Variants in MMACHC observed in about 807,000 individuals in gnomAD.
The protein encoded by MMACHC is metabolism of cobalamin associated C, also known as cyanocobalamin reductase / alkylcobalamin dealkylase.
MMACHC carries 14 observed loss-of-function variants against 17.6 expected under a neutral mutation model. The observed-to-expected ratio is 0.80, with a 90% CI of 0.53 to 1.25. The LOEUF (loss-of-function observed/expected upper bound fraction) is 1.25. Among genes scored for constraint, MMACHC ranks in the 50% most tolerant of loss-of-function variants. The pLI is 0.00. For missense variants in MMACHC, 392 were observed against 364.5 expected (o/e 1.08, Z -0.62); for synonymous variants, 151 against 142.1 (o/e 1.06, Z -0.45).
rs752205161 is a variant in MMACHC at position 45,508,284 on chromosome 1, G to C, written c.349G>C (p.Ala117Pro). 6.2e-7 allele frequency: 1 copy of C among 1,614,036 alleles called. No homozygotes were observed. Among genetic ancestry groups the C allele is most frequent in the East Asian group, 2.2e-5 (1 of 44,892 alleles). The change falls in exon 3 of 4, where the codon GCC becomes CCC. Residue 117 changes from alanine (A) to proline (P), a missense_variant. Physicochemically the swap from Ala to Pro is conservative, Grantham distance 27 (BLOSUM62 -1). Transcript: ENST00000401061. ...VHPNRRPKIL[A>P]QTAAHVAGAA... ...CCCCAACCGACGCCCCAAGATCCTG[G>C]CCCAGACAGCAGCCCATGTAGCTGG... is the stretch of plus-strand genomic sequence containing the variant.
chr1:45,507,697 T>C, intron 2 of MMACHC, 147 bp downstream of exon 2: 1 of 979,360 alleles, frequency 1.0e-6, no homozygotes. Context: ...TCTGTGATCT[T>C]TCCTCATTCT....
chr1:45,511,079 A>G lies in MMACHC; in HGVS notation c.*1864A>G. On this transcript the variant is annotated 3_prime_UTR_variant, in exon 4 of 4. Coordinates refer to ENST00000401061, the MANE Select transcript of MMACHC (RefSeq NM_015506.3). The stretch of plus-strand genomic sequence containing the variant: ...CAGTTCAAGTTTAATACAAACTACA[A>G]AAGATTAATGGGTTGCTCTACTAAT... The G allele has an allele frequency of 2.9e-6, 1 of 343,694 alleles. No homozygotes were observed. The highest frequency in any genetic ancestry group is 4.8e-5 in the Admixed American group (1 of 20,962). 21.3% of individuals were successfully genotyped at this position (343,694 alleles called of 1,614,324 possible). A position where few individuals can be genotyped will look rare whatever the true frequency, so the allele number is the denominator to read the frequency against.
rs1024956864 is a variant in MMACHC at position 45,511,756 on chromosome 1, C to T, written c.*2541C>T. The T allele has an allele frequency of 1.2e-5, 2 of 173,552 alleles. No individual in the cohort carries two copies. The highest frequency in any genetic ancestry group is 4.7e-5 in the African/African-American group (2 of 42,230). The allele number at this position is 173,552 out of a possible 1,614,324, so 10.8% of individuals were successfully genotyped here. On this transcript the variant is annotated 3_prime_UTR_variant, in exon 4 of 4. Transcript: ENST00000401061. ...CGACACACATAGGACTATGTAAACC[C>T]TTAACACTAAACTGTTTCTGACAGC...
chr1:45,505,631 C>T lies in MMACHC; in HGVS notation c.82-1725C>T, dbSNP rs527717239. On this transcript the variant is annotated intron_variant, in intron 1 of 3. Coordinates refer to ENST00000401061, the MANE Select transcript of MMACHC (RefSeq NM_015506.3). Reference sequence around the variant, plus strand: ...TTTAAGAAACTGCCTGGGCTGGGCCCGGTGGCTCACGCCTGTAATCTCAGC... The same window carrying T: ...TTTAAGAAACTGCCTGGGCTGGGCCTGGTGGCTCACGCCTGTAATCTCAGC... Among the ~76,000 whole-genome samples the T allele has an allele frequency of 4.6e-5, 7 of 151,472 alleles. No homozygotes were observed. In the South Asian group the frequency reaches 1.1e-3, roughly 23 times the overall value.
At chr1:45,503,677 C>T (rs1643577045) in intron 1 of MMACHC, among the ~76,000 whole-genome samples, 1 of 152,078 alleles carries the variant, frequency 6.6e-6, no homozygotes, top group Non-Finnish European at 1.5e-5. Context: ...TAGTTGAGCA[C>T]CGACACAGAC....
Position 45,500,337 on chromosome 1 carries a change from A to T in MMACHC, c.5A>T (p.Glu2Val), listed in dbSNP as rs543492649. The T allele has an allele frequency of 1.2e-6, 2 of 1,614,094 alleles. No homozygotes were observed. The highest frequency in any genetic ancestry group is 3.3e-5 in the Admixed American group (2 of 60,022). M[E>V]PKVAELKQKI... ...GCTCAGCGTGTAACGTGCGCTATGG[A>T]GCCGAAAGTCGCAGAGCTGAAGCAG... is the stretch of plus-strand genomic sequence containing the variant. Residue 2 changes from glutamate (E) to valine (V), a missense_variant, in exon 1 of 4, where the codon GAG becomes GTG. By Grantham distance (121) the Glu-to-Val change is moderately radical. Transcript: ENST00000401061.
At chr1:45,504,019 T>C (rs918372130) in intron 1 of MMACHC, among the ~76,000 whole-genome samples, 3 of 152,256 alleles carry the variant, frequency 2.0e-5, no homozygotes, top group Non-Finnish European at 1.5e-5. Context: ...TTCTTGGATG[T>C]CCAGGCCAAG....
At position 45,500,391 on chromosome 1, in the gene MMACHC, G is replaced by T; in HGVS notation, c.59G>T (p.Gly20Val). The T allele has an allele frequency of 6.2e-7, 1 of 1,614,180 alleles. No individual in the cohort carries two copies. The highest frequency in any genetic ancestry group is 8.5e-7 in the Non-Finnish European group (1 of 1,180,026). The change falls in exon 1 of 4, where the codon GGC becomes GTC. Residue 20 changes from glycine (G) to valine (V), a missense_variant. Transcript: ENST00000401061. Reference sequence around the variant, plus strand: ...ATCGAGGACACGCTATGTCCTTTTGGCTTCGAGGTTTACCCCTTCCAGGTT... The same window carrying T: ...ATCGAGGACACGCTATGTCCTTTTGTCTTCGAGGTTTACCCCTTCCAGGTT... The part of the protein sequence containing the change: ...QKIEDTLCPF[G>V]FEVYPFQVAW...
At position 45,512,917 on chromosome 1, in the gene MMACHC, A is replaced by G. The variant is rs547865415; in HGVS notation, c.*3702A>G. 6.6e-6 allele frequency: 1 copy of G among 152,332 alleles called. No homozygotes were observed. Among genetic ancestry groups the G allele is most frequent in the African/African-American group, 2.4e-5 (1 of 41,566 alleles). The allele number at this position is 152,332 out of a possible 1,614,324, so 9.4% of individuals were successfully genotyped here. ...AGACTCTAATCCCTGTAAAAAGATT[A>G]CTTGGTGCTAGCCAAGCTAGCACCT... On this transcript the variant is annotated 3_prime_UTR_variant, in exon 4 of 4. Coordinates refer to ENST00000401061, the MANE Select transcript of MMACHC (RefSeq NM_015506.3).
chr1:45,509,359 T>A lies in MMACHC; in HGVS notation c.*144T>A. On this transcript the variant is annotated 3_prime_UTR_variant, in exon 4 of 4. Transcript: ENST00000401061. ...ATGAAGATAACAAGGCTCAAGGAAG[T>A]TAGGTTTGGCCAAGATAAAGGCCAG... is the stretch of plus-strand genomic sequence containing the variant. 1 of 1,013,654 alleles carries A rather than the reference T, an allele frequency of 9.9e-7. No individual in the cohort carries two copies. Among genetic ancestry groups the A allele is most frequent in the Non-Finnish European group, 1.4e-6 (1 of 696,506 alleles). The allele number at this position is 1,013,654 out of a possible 1,614,324, so 62.8% of individuals were successfully genotyped here.
chr1:45,507,838 T>A (rs576779396), intron 2 of MMACHC, among the ~76,000 whole-genome samples: 1 of 152,302 alleles, frequency 6.6e-6, no homozygotes, highest in East Asian at 1.9e-4. Flanking sequence ...CCAAGTGGAA[T>A]AGGAATGAGT....
chr1:45,510,448 C>G lies in MMACHC; in HGVS notation c.*1233C>G, dbSNP rs1643719762. The G allele has an allele frequency of 6.6e-6, 1 of 152,208 alleles. No individual in the cohort carries two copies. The highest frequency in any genetic ancestry group is 1.5e-5 in the Non-Finnish European group (1 of 68,074). The allele number at this position is 152,208 out of a possible 1,614,324, so 9.4% of individuals were successfully genotyped here. A position where few individuals can be genotyped will look rare whatever the true frequency, so the allele number is the denominator to read the frequency against. On this transcript the variant is annotated 3_prime_UTR_variant, in exon 4 of 4. Coordinates refer to ENST00000401061, the MANE Select transcript of MMACHC (RefSeq NM_015506.3). ...CTGTGGCGCTCACCTGTAATCCCAC[C>G]ATTTTGGGAGGCTGAGGCGGAGGAC...
At position 45,512,055 on chromosome 1, in the gene MMACHC, A is replaced by G. The variant is rs1015698136; in HGVS notation, c.*2840A>G. 6.7e-6 allele frequency: 1 copy of G among 149,484 alleles called. No homozygotes were observed. Among genetic ancestry groups the G allele is most frequent in the African/African-American group, 2.5e-5 (1 of 40,462 alleles). 9.3% of individuals were successfully genotyped at this position (149,484 alleles called of 1,614,324 possible). On this transcript the variant is annotated 3_prime_UTR_variant, in exon 4 of 4. Transcript: ENST00000401061. Reference sequence around the variant, plus strand: ...CTGAAGAAAATGAGGCAAGGGGACTAATCTCTTATTTTTCTTTTTTTTTTT... The same window carrying G: ...CTGAAGAAAATGAGGCAAGGGGACTGATCTCTTATTTTTCTTTTTTTTTTT...
rs1643758717 is a variant in MMACHC at position 45,512,060 on chromosome 1, CTTATTT to C, written c.*2848_*2853del. ...GAAAATGAGGCAAGGGGACTAATCT[CTTATTT>C]TTCTTTTTTTTTTTTTTTTTTTTTT... On this transcript the variant is annotated 3_prime_UTR_variant, in exon 4 of 4. Transcript: ENST00000401061. 1.5e-5 allele frequency: 2 copies of C among 131,290 alleles called. No individual in the cohort carries two copies. Among genetic ancestry groups the C allele is most frequent in the Admixed American group, 7.9e-5 (1 of 12,718 alleles). 8.1% of individuals were successfully genotyped at this position (131,290 alleles called of 1,614,324 possible).
chr1:45,510,609 C>T lies in MMACHC; in HGVS notation c.*1394C>T, dbSNP rs1025283232. ...GCAACTACGAAAGCCCTACCCAAGGCCACCAGCCTTGTCTTCCTCTTTCCT... is the reference window on the plus strand; with the variant it reads ...GCAACTACGAAAGCCCTACCCAAGGTCACCAGCCTTGTCTTCCTCTTTCCT... On this transcript the variant is annotated 3_prime_UTR_variant, in exon 4 of 4. Transcript: ENST00000401061. 6.6e-6 allele frequency: 1 copy of T among 152,208 alleles called. No homozygotes were observed. Among genetic ancestry groups the T allele is most frequent in the African/African-American group, 2.4e-5 (1 of 41,438 alleles). 9.4% of individuals were successfully genotyped at this position (152,208 alleles called of 1,614,324 possible). A position where few individuals can be genotyped will look rare whatever the true frequency, so the allele number is the denominator to read the frequency against.
At chr1:45,507,268 CAA>C (rs1269375804) in intron 1 of MMACHC, 86 bp from the exon 2 acceptor site, 2 of 1,283,376 alleles carry the variant, frequency 1.6e-6, no homozygotes, top group African/African-American at 3.0e-5. Flanking sequence ...GAGGCTGGGG[CAA>C]AAGTGTGAGG....
At chr1:45,505,917 C>A (rs200995204) in intron 1 of MMACHC, among the ~76,000 whole-genome samples, 38 of 141,418 alleles carry the variant, frequency 2.7e-4, no homozygotes, top group Middle Eastern at 3.5e-3. Flanking sequence ...AAAAAAAAAA[C>A]AAAACTGCCT....
In MMACHC at chr1:45,507,418, G is replaced by C; in HGVS notation, c.144G>C (p.Leu48=). ...AFHLPLPGPT[L]AFLVLSTPAM... is the part of the protein sequence containing the mutation. ...ACCTACCGCTGCCAGGACCTACCCT[G>C]GCCTTCCTGGTACTCAGCACGCCTG... The change falls in exon 2 of 4, where the codon CTG becomes CTC. Residue 48 remains leucine (L), a synonymous_variant. Transcript: ENST00000401061. 6.2e-7 allele frequency: 1 copy of C among 1,614,106 alleles called. No individual in the cohort carries two copies. Among genetic ancestry groups the C allele is most frequent in the South Asian group, 1.1e-5 (1 of 91,068 alleles).
At chr1:45,507,279 G>T in intron 1 of MMACHC, 77 bp from the exon 2 acceptor site, 1 of 1,395,728 alleles carries the variant, frequency 7.2e-7, no homozygotes, top group South Asian at 1.2e-5. Context: ...AAAAGTGTGA[G>T]GCCTGAAGGT....
Sources: gnomAD v4.1 joint callset for allele counts (sites outside exome capture counted in the v4.1 genomes callset) on GRCh38, gnomAD v4.1.1 for gene constraint, MANE v1.5 for transcripts, NCBI Gene and HGNC (gene_info 2026-07-23, HGNC 2026-07-21) for gene names.